Variants in TMEM117 observed in about 807,000 individuals in gnomAD.
The protein encoded by TMEM117 is transmembrane protein 117.
A neutral mutation model predicts 52.4 loss-of-function variants in TMEM117; 27 were observed. The observed-to-expected ratio is 0.51, with a 90% CI of 0.38 to 0.71. The LOEUF is 0.71. TMEM117 is among the 30% of genes least tolerant of loss of function. TMEM117 has a pLI of 0.00. For missense variants in TMEM117, 556 were observed against 630.5 expected, an observed-to-expected ratio of 0.88 and a Z score of 1.26; for synonymous variants, 215 against 206.3, an observed-to-expected ratio of 1.04 and a Z score of -0.36.
chr12:44,342,939 A>G (rs1199245613), intron 6 of TMEM117, among the ~76,000 whole-genome samples: 3 of 151,966 alleles, frequency 2.0e-5, no homozygotes, highest in Non-Finnish European at 4.4e-5. Context: ...ATCTCTGCTC[A>G]CTGCAACCTC....
chr12:44,202,932 G>A lies in TMEM117; in HGVS notation c.511-8358G>A, dbSNP rs1010607724. 2.6e-5 allele frequency among the ~76,000 whole-genome samples: 4 copies of A among 152,004 alleles called. No individual in the cohort carries two copies. The South Asian group carries it at 8.3e-4, about 32-fold the overall frequency. On this transcript the variant is annotated intron_variant, in intron 4 of 7. Coordinates refer to ENST00000266534, the MANE Select transcript of TMEM117 (RefSeq NM_032256.3). ...GCCTCCTGAGTAACTGGGATTGCAG[G>A]TGTGTACCACCACGCCTGGATTTTT... is the stretch of plus-strand genomic sequence containing the variant.
At chr12:43,813,231 G>GT in the TMEM117 span, among the ~76,000 whole-genome samples, 3,127 of 62,700 alleles carry the variant, frequency 0.05, 673 homozygotes, top group African/African-American at 0.062. Context: ...GTTTTCTCTT[G>GT]TTTTTTTTTT....
intron 6 of TMEM117, among the ~76,000 whole-genome samples, chr12:44,356,416 A>G (rs978014680): frequency 2.6e-5 from 4 of 152,122 alleles, no homozygotes; most frequent in African/African-American, 9.7e-5. Flanking sequence ...TAACAGAATA[A>G]GAGAGGTCAG....
intron 3 of TMEM117, among the ~76,000 whole-genome samples, chr12:44,011,825 C>T (rs187567705): frequency 7.2e-5 from 11 of 152,178 alleles, no homozygotes; most frequent in African/African-American, 1.2e-4. Context: ...TACCAAACTT[C>T]GTTTTGTTGT....
At chr12:44,267,642 T>TAA (rs1320732164) in intron 5 of TMEM117, among the ~76,000 whole-genome samples, 7 of 152,228 alleles carry the variant, frequency 4.6e-5, no homozygotes, top group Non-Finnish European at 1.0e-4. Context: ...ACACCTTGTA[T>TAA]AACCAAAGTT....
At chr12:44,376,545 CT>C in intron 6 of TMEM117, 49 bp from the exon 7 acceptor site, 1 of 1,578,522 alleles carries the variant, frequency 6.3e-7, no homozygotes, top group Non-Finnish European at 8.6e-7. Flanking sequence ...TGTTTTGCTG[CT>C]TAGGAATGAA....
chr12:44,103,157 A>T (rs1488137068), intron 3 of TMEM117, among the ~76,000 whole-genome samples: 1 of 151,556 alleles, frequency 6.6e-6, no homozygotes, highest in East Asian at 1.9e-4. Context: ...AGGCATTTTT[A>T]TGATCACTTA....
At chr12:44,302,248 T>C (rs559924313) in intron 6 of TMEM117, among the ~76,000 whole-genome samples, 4 of 152,312 alleles carry the variant, frequency 2.6e-5, no homozygotes, top group African/African-American at 9.6e-5. Context: ...CTAGATATTG[T>C]CCATGACTCC....
chr12:43,867,661 A>G (rs1943626512), intron 2 of TMEM117, among the ~76,000 whole-genome samples: 1 of 151,076 alleles, frequency 6.6e-6, no homozygotes, highest in Non-Finnish European at 1.5e-5. Context: ...CAGTTAACAA[A>G]AGAAAACTAG....
chr12:44,313,180 C>A (rs1951012886), intron 6 of TMEM117, among the ~76,000 whole-genome samples: 1 of 152,092 alleles, frequency 6.6e-6, no homozygotes, highest in South Asian at 2.1e-4. Context: ...AAGTTCTTTG[C>A]CAATCCTGTT....
chr12:44,236,171 C>CAT lies in TMEM117; in HGVS notation c.608+24800_608+24801dup, dbSNP rs34442924. Among the ~76,000 whole-genome samples, 1,150 of 148,230 alleles carry CAT rather than the reference C, an allele frequency of 7.8e-3. 13 individuals are homozygous for CAT. The highest frequency in any genetic ancestry group is 7.8e-3 in the Non-Finnish European group (525 of 67,116). On this transcript the variant is annotated intron_variant, in intron 5 of 7. Transcript: ENST00000266534. ...GTTTTAGAAATGTTTTAGTTTCTAG[C>CAT]ATATATATATATATATAGAGAGAGA...
intron 2 of TMEM117, among the ~76,000 whole-genome samples, chr12:43,936,698 C>T (rs1235853516): frequency 6.6e-6 from 1 of 152,108 alleles, no homozygotes; most frequent in African/African-American, 2.4e-5. Flanking sequence ...TCAAAAGAGA[C>T]GGAGAACAAC....
rs1047781985 is a variant in TMEM117 at position 44,003,143 on chromosome 12, T to TACTG, written c.410+58802_410+58805dup. On this transcript the variant is annotated intron_variant, in intron 3 of 7. Transcript: ENST00000266534. ...CCCTGCCTCTGGCCCCCTCCTCCTCTACTGCCCTGGGAAAATGGAAGTGGC... is the reference window on the plus strand; with the variant it reads ...CCCTGCCTCTGGCCCCCTCCTCCTCTACTGACTGCCCTGGGAAAATGGAAGTGGC... 6.9e-4 allele frequency among the ~76,000 whole-genome samples: 105 copies of TACTG among 152,276 alleles called. 1 individual carries two copies. The highest frequency in any genetic ancestry group is 2.5e-3 in the African/African-American group (103 of 41,554).
chr12:44,075,527 G>T (rs1440619409), intron 3 of TMEM117, among the ~76,000 whole-genome samples: 2 of 152,134 alleles, frequency 1.3e-5, no homozygotes, highest in Non-Finnish European at 2.9e-5. Flanking sequence ...AGCTGATTCT[G>T]TTTCTTAGCC....
chr12:44,137,321 G>A (rs1948505405), intron 3 of TMEM117, among the ~76,000 whole-genome samples: 3 of 151,972 alleles, frequency 2.0e-5, no homozygotes, highest in African/African-American at 7.3e-5. Flanking sequence ...CAGAAGACAG[G>A]GATTGGCATG....
At chr12:44,365,066 A>G (rs1951771707) in intron 6 of TMEM117, among the ~76,000 whole-genome samples, 1 of 152,058 alleles carries the variant, frequency 6.6e-6, no homozygotes, top group Non-Finnish European at 1.5e-5. Flanking sequence ...AGTTAGGGAG[A>G]TAGTATTCAT....
intron 2 of TMEM117, among the ~76,000 whole-genome samples, chr12:43,939,191 A>G (rs1051112482): frequency 3.3e-5 from 5 of 152,194 alleles, no homozygotes; most frequent in Non-Finnish European, 5.9e-5. Flanking sequence ...TTTGACTCCA[A>G]CAAACCAAAT....
At chr12:43,824,206 C>T in the TMEM117 span, among the ~76,000 whole-genome samples, 1 of 152,226 alleles carries the variant, frequency 6.6e-6, no homozygotes, top group African/African-American at 2.4e-5. Flanking sequence ...CAGCCTTCCA[C>T]AGTCCTAGGG....
intron 3 of TMEM117, among the ~76,000 whole-genome samples, chr12:44,094,255 CTTCTGCCCAG>C (rs1374124929): frequency 6.6e-6 from 1 of 152,104 alleles, no homozygotes; most frequent in Non-Finnish European, 1.5e-5. Context: ...AAGTCATGGG[CTTCTGCCCAG>C]TTCTGATCTC....
Sources: allele counts gnomAD v4.1 joint callset (sites outside exome capture counted in the v4.1 genomes callset), GRCh38; gene constraint gnomAD v4.1.1; transcripts MANE v1.5; gene names NCBI Gene and HGNC (gene_info 2026-07-23, HGNC 2026-07-21).